COLEC11: variants seen among roughly 807,000 people sequenced by gnomAD.
COLEC11 encodes the protein collectin-11.
A neutral mutation model predicts 27.3 loss-of-function variants in COLEC11; 20 were observed. The observed-to-expected ratio is 0.73, with a 90% confidence interval of 0.51 to 1.06. The LOEUF (loss-of-function observed/expected upper bound fraction) is 1.06. COLEC11 is among the 50% of genes least tolerant of loss of function. COLEC11 has a pLI of 0.00. For synonymous variants in COLEC11, 163 were observed against 154.7 expected, an observed-to-expected ratio of 1.05 and a Z score of -0.40; for missense variants, 310 against 383.0, an observed-to-expected ratio of 0.81 and a Z score of 1.59.
chr2:3,619,429 G>A (rs1664020969), intron 3 of COLEC11, among the ~76,000 whole-genome samples: 1 of 152,160 alleles, frequency 6.6e-6, no homozygotes, highest in Non-Finnish European at 1.5e-5. Flanking sequence ...CCTTTATTGT[G>A]TTGAGGTGCA....
intron 3 of COLEC11, among the ~76,000 whole-genome samples, chr2:3,617,005 T>C (rs116833541): frequency 0.024 from 3,621 of 152,310 alleles, 152 homozygotes; most frequent in African/African-American, 0.081. Context: ...ATGTGATGGC[T>C]GTTGTGAATA....
chr2:3,597,382 G>A (rs1412732630), intron 1 of COLEC11, among the ~76,000 whole-genome samples: 1 of 151,618 alleles, frequency 6.6e-6, no homozygotes, highest in Non-Finnish European at 1.5e-5. Flanking sequence ...GCTGCTCCGG[G>A]GTCAGCGGAT....
intron 5 of COLEC11, chr2:3,641,229 T>G: frequency 7.7e-7 from 1 of 1,304,244 alleles, no homozygotes; most frequent in Non-Finnish European, 1.0e-6. Flanking sequence ...TAAAAGTCCT[T>G]GTTTTAAAAG....
chr2:3,604,012 C>G, intron 1 of COLEC11: 1 of 567,628 alleles, frequency 1.8e-6, no homozygotes, highest in Non-Finnish European at 3.1e-6. Flanking sequence ...GTGTAGGAAT[C>G]GTTTGTCCCA....
In COLEC11 at chr2:3,602,536, G is replaced by A. The variant is rs943295987; in HGVS notation, c.-26-1779G>A. Among the ~76,000 whole-genome samples the A allele has an allele frequency of 3.9e-5, 6 of 152,128 alleles. No homozygotes were observed. Among genetic ancestry groups the A allele is most frequent in the African/African-American group, 1.4e-4 (6 of 41,412 alleles). ...CCTCTGTCATCACCTCCACCCACAC[G>A]TGGGGTCCAGCTGCCATCCTCGCCC... On this transcript the variant is annotated intron_variant, in intron 1 of 6. Coordinates refer to ENST00000349077, the MANE Select transcript of COLEC11 (RefSeq NM_024027.5). The surrounding 1 kb of genome is among the most constrained non-coding windows in gnomAD (Gnocchi z 6.2).
At chr2:3,641,734 G>C (rs569340081) in intron 5 of COLEC11, among the ~76,000 whole-genome samples, 3 of 152,198 alleles carry the variant, frequency 2.0e-5, no homozygotes, top group Non-Finnish European at 2.9e-5. Flanking sequence ...GGTGTCTCAC[G>C]TATGAGGGCG....
intron 3 of COLEC11, among the ~76,000 whole-genome samples, chr2:3,628,378 C>T (rs1164012495): frequency 6.6e-6 from 1 of 152,234 alleles, no homozygotes; most frequent in African/African-American, 2.4e-5. Context: ...CAGGGGCTCT[C>T]ATTTAAATGC....
rs750058999 is a variant in COLEC11, at chr2:3,637,522, G to C, written c.203-11G>C. On this transcript the variant is annotated splice_polypyrimidine_tract_variant and intron_variant, in intron 3 of 6. Transcript: ENST00000349077. ...TGCATCGACCAACTTTGCTCTTATTGTTTTCTACAGGAGACATGGGGGACA... is the reference window on the plus strand; with the variant it reads ...TGCATCGACCAACTTTGCTCTTATTCTTTTCTACAGGAGACATGGGGGACA... 50 of 1,613,654 alleles carry C rather than the reference G, an allele frequency of 3.1e-5. No individual in the cohort carries two copies. In the Middle Eastern group the frequency reaches 6.6e-4, roughly 21 times the overall value.
intron 3 of COLEC11, among the ~76,000 whole-genome samples, chr2:3,626,742 G>A (rs1664584249): frequency 6.6e-6 from 1 of 152,228 alleles, no homozygotes. Context: ...AAGAGAGAAT[G>A]GAATATGTTT....
chr2:3,615,674 C>T (rs556712225), intron 3 of COLEC11, among the ~76,000 whole-genome samples: 11 of 152,250 alleles, frequency 7.2e-5, no homozygotes, highest in East Asian at 1.9e-4. Flanking sequence ...GACGGGGTGG[C>T]GGCCGGGCAG....
At chr2:3,616,149 A>G (rs1428270332) in intron 3 of COLEC11, among the ~76,000 whole-genome samples, 1 of 147,548 alleles carries the variant, frequency 6.8e-6, no homozygotes, top group Non-Finnish European at 1.5e-5. Context: ...GGCGCTCCTC[A>G]CATCCCAGAC....
At chr2:3,624,784 G>A (rs1664414204) in intron 3 of COLEC11, among the ~76,000 whole-genome samples, 1 of 152,202 alleles carries the variant, frequency 6.6e-6, no homozygotes, top group South Asian at 2.1e-4. Context: ...ATGGGGAGTT[G>A]TCAACATGGA....
At chr2:3,616,046 G>C (rs540648806) in intron 3 of COLEC11, among the ~76,000 whole-genome samples, 1 of 151,324 alleles carries the variant, frequency 6.6e-6, no homozygotes. Context: ...CTGAGGCGGG[G>C]CGGCCGGGCA....
intron 5 of COLEC11, among the ~76,000 whole-genome samples, chr2:3,642,151 C>A (rs957963822): frequency 6.6e-6 from 1 of 152,156 alleles, no homozygotes; most frequent in African/African-American, 2.4e-5. Flanking sequence ...TTCTGGACAC[C>A]GTGCCGTCTG....
intron 1 of COLEC11, among the ~76,000 whole-genome samples, chr2:3,600,814 T>C (rs1252702938): frequency 1.3e-5 from 2 of 152,204 alleles, no homozygotes; most frequent in Non-Finnish European, 2.9e-5. Context: ...CTTGAGGTAT[T>C]AATAATTGTT....
chr2:3,609,535 A>ATTT (rs61193398), intron 2 of COLEC11, among the ~76,000 whole-genome samples: 80,630 of 146,770 alleles, frequency 0.55, 24,679 homozygotes, highest in South Asian at 0.74. Flanking sequence ...ACATCCTGCT[A>ATTT]TTTTTTTTTT....
chr2:3,639,609 A>G (rs1665698085), intron 4 of COLEC11, among the ~76,000 whole-genome samples: 1 of 152,250 alleles, frequency 6.6e-6, no homozygotes, highest in Admixed American at 6.5e-5. Context: ...ATTTCTATTA[A>G]GTCACATGAC....
intron 3 of COLEC11, among the ~76,000 whole-genome samples, chr2:3,625,483 G>A (rs1664481333): frequency 6.6e-6 from 1 of 150,788 alleles, no homozygotes. Flanking sequence ...CTGGAGACAG[G>A]GAGGGCTAGG....
intron 4 of COLEC11, among the ~76,000 whole-genome samples, chr2:3,640,077 C>G (rs944751949): frequency 6.6e-6 from 1 of 152,170 alleles, no homozygotes; most frequent in Non-Finnish European, 1.5e-5. Flanking sequence ...CCCTGTCACC[C>G]CATGACATGT....
Sources: gnomAD v4.1 joint callset for allele counts (sites outside exome capture counted in the v4.1 genomes callset) on GRCh38, gnomAD v4.1.1 for gene constraint, Gnocchi (gnomAD v3.1) non-coding constraint, MANE v1.5 for transcripts, NCBI Gene and HGNC (gene_info 2026-07-23, HGNC 2026-07-21) for gene names.